The following PCDH11X variants were observed in gnomAD, a reference collection of about 807,000 sequenced individuals.
PCDH11X encodes protocadherin-11 X-linked.
Under a neutral mutation model 53.3 loss-of-function variants are expected in PCDH11X, and 18 were observed. The ratio of observed to expected loss-of-function variants is 0.34; its 90% confidence interval spans 0.23 to 0.50. The LOEUF (loss-of-function observed/expected upper bound fraction) is 0.50. PCDH11X is among the 20% of genes least tolerant of loss of function. The pLI is 0.98. For missense variants in PCDH11X, 570 were observed against 1,032.4 expected (o/e 0.55, Z 6.14); for synonymous variants, 279 against 393.3 (o/e 0.71, Z 3.44).
chrX:91,879,856 T>C, intron 6 of PCDH11X: 10 of 748,176 alleles, frequency 1.3e-5, no homozygotes, highest in Non-Finnish European at 1.6e-5. Flanking sequence ...TCACACAATA[T>C]AACAAGAATG....
intron 6 of PCDH11X, among the ~76,000 whole-genome samples, chrX:92,139,951 T>G (rs1368074373): frequency 1.8e-5 from 2 of 109,278 alleles, no homozygotes; most frequent in South Asian, 7.8e-4. Flanking sequence ...AGGATTAAAA[T>G]TACCTACTGT....
rs1415820264 is a variant in PCDH11X at position 91,829,231 on chromosome X, G to A, written c.-44-6230G>A. 6.5e-5 allele frequency among the ~76,000 whole-genome samples: 7 copies of A among 108,490 alleles called. No individual in the cohort carries two copies. The Admixed American group carries it at 6.9e-4, about 11-fold the overall frequency. 94.2% of individuals were successfully genotyped at this position (108,490 alleles called of 115,157 possible). ...TCCTGTACTGTTTTATTAATTCATG[G>A]AATAGTGACTAATAGAAGTATTATT... On this transcript the variant is annotated intron_variant, in intron 4 of 10. Transcript: ENST00000682573.
At chrX:92,354,904 G>A (rs546620658) in intron 8 of PCDH11X, among the ~76,000 whole-genome samples, 31 of 110,956 alleles carry the variant, frequency 2.8e-4, no homozygotes, top group Non-Finnish European at 5.5e-4. Context: ...CAGTGAACTC[G>A]TGTGGCTCAT....
At chrX:91,970,325 TGCTGATTGGTCCATTTTACAGAGA>T (rs1298721616) in intron 6 of PCDH11X, among the ~76,000 whole-genome samples, 2 of 111,673 alleles carry the variant, frequency 1.8e-5, no homozygotes, top group South Asian at 3.8e-4. Context: ...ACCCACATCC[TGCTGATTGGTCCATTTTACAGAGA>T]GCTGATTGGT....
At chrX:92,371,988 T>C (rs1162568033) in intron 8 of PCDH11X, among the ~76,000 whole-genome samples, 3 of 111,595 alleles carry the variant, frequency 2.7e-5, no homozygotes, top group Admixed American at 9.5e-5. Flanking sequence ...AAATATATTA[T>C]ATGTCTATTT....
intron 8 of PCDH11X, among the ~76,000 whole-genome samples, chrX:92,339,901 C>A (rs1208120784): frequency 9.0e-6 from 1 of 110,805 alleles, no homozygotes; most frequent in Admixed American, 9.6e-5. Flanking sequence ...CAAATCTTAT[C>A]TCATTTCAGC....
intron 4 of PCDH11X, among the ~76,000 whole-genome samples, chrX:91,813,029 G>A (rs1936340018): frequency 9.0e-6 from 1 of 111,199 alleles, no homozygotes; most frequent in African/African-American, 3.3e-5. Context: ...TTGGTTTTAA[G>A]AGAACTTGAG....
At chrX:92,120,155 CTTTTTTTT>C (rs764997941) in intron 6 of PCDH11X, among the ~76,000 whole-genome samples, 2 of 60,700 alleles carry the variant, frequency 3.3e-5, no homozygotes, top group African/African-American at 1.1e-4. Flanking sequence ...ACTTTTCTTT[CTTTTTTTT>C]TTTTTTTTTT....
chrX:92,145,497 A>G, intron 6 of PCDH11X, among the ~76,000 whole-genome samples: 1 of 107,731 alleles, frequency 9.3e-6, no homozygotes. Context: ...TAAATGGTGC[A>G]TGTAGAAGAC....
intron 6 of PCDH11X, among the ~76,000 whole-genome samples, chrX:92,104,923 C>T (rs2064343518): frequency 1.8e-5 from 2 of 110,433 alleles, no homozygotes; most frequent in Admixed American, 9.6e-5. Context: ...CGGGACTTGC[C>T]ACTAAGGGTG....
intron 9 of PCDH11X, among the ~76,000 whole-genome samples, chrX:92,393,833 A>G (rs2071185200): frequency 9.0e-6 from 1 of 111,002 alleles, no homozygotes. Flanking sequence ...TAGTGACAGT[A>G]GTTTTTATAA....
At position 91,838,044 on chromosome X, in the gene PCDH11X, G is replaced by A. The variant is rs371856346; in HGVS notation, c.540+2000G>A. ...CTTACCAAGTTTAAATCAGATATTA[G>A]CAATAGGGTCTCTTCAACTGACCAT... On this transcript the variant is annotated intron_variant, in intron 5 of 10. Coordinates refer to ENST00000682573, the MANE Select transcript of PCDH11X (RefSeq NM_032968.5). 1.1e-3 allele frequency among the ~76,000 whole-genome samples: 121 copies of A among 111,679 alleles called. 3 individuals are homozygous for A. The South Asian group carries it at 0.032, about 30-fold the overall frequency.
At chrX:92,054,771 G>A (rs2063419606) in intron 6 of PCDH11X, among the ~76,000 whole-genome samples, 1 of 91,015 alleles carries the variant, frequency 1.1e-5, no homozygotes, top group Non-Finnish European at 2.0e-5. Context: ...GGTGAGCTGA[G>A]ATCGTGCCAT....
intron 6 of PCDH11X, among the ~76,000 whole-genome samples, chrX:92,188,551 A>T (rs947841519): frequency 9.0e-6 from 1 of 111,633 alleles, no homozygotes; most frequent in African/African-American, 3.3e-5. Flanking sequence ...TTAGAAGAAA[A>T]CAACATTATT....
intron 7 of PCDH11X, among the ~76,000 whole-genome samples, chrX:92,216,440 G>T (rs1261549333): frequency 9.6e-6 from 1 of 103,795 alleles, no homozygotes. Flanking sequence ...TCAACTGGAA[G>T]AAAGGGTATC....
In PCDH11X at chrX:92,580,262, T is replaced by C. The variant is rs1192580581; in HGVS notation, c.3368-38002T>C. On this transcript the variant is annotated intron_variant, in intron 10 of 10. Transcript: ENST00000682573. ...CTCAACAAAGTACCCTGGATGCCCC[T>C]TGGCCGAGTAGGTGTTCTACACTGG... Among the ~76,000 whole-genome samples, 6 of 108,383 alleles carry C rather than the reference T, an allele frequency of 5.5e-5. No homozygotes were observed. In the Admixed American group the frequency reaches 5.8e-4, roughly 10 times the overall value. The allele number at this position is 108,383 out of a possible 115,157, so 94.1% of individuals were successfully genotyped here.
chrX:91,915,097 C>A (rs1288872300), intron 6 of PCDH11X, among the ~76,000 whole-genome samples: 1 of 104,709 alleles, frequency 9.6e-6, no homozygotes, highest in African/African-American at 3.5e-5. Flanking sequence ...ATCTTTAGCC[C>A]CCTGAAACAA....
chrX:92,482,734 C>A (rs1165759114), intron 10 of PCDH11X, among the ~76,000 whole-genome samples: 2 of 107,920 alleles, frequency 1.9e-5, no homozygotes, highest in South Asian at 8.2e-4. Flanking sequence ...GTATATAAAT[C>A]TATGGTTATA....
At chrX:92,152,571 T>G (rs2065453269) in intron 6 of PCDH11X, among the ~76,000 whole-genome samples, 1 of 111,798 alleles carries the variant, frequency 8.9e-6, no homozygotes, top group African/African-American at 3.2e-5. Context: ...AGTCTTTGCT[T>G]ATTTAAAATA....
Sources: allele counts gnomAD v4.1 joint callset (sites outside exome capture counted in the v4.1 genomes callset), GRCh38; gene constraint gnomAD v4.1.1; transcripts MANE v1.5; gene names NCBI Gene and HGNC (gene_info 2026-07-23, HGNC 2026-07-21).